The following PMFBP1 variants were observed in gnomAD, a reference collection of about 807,000 sequenced individuals.
The protein encoded by PMFBP1 is polyamine-modulated factor 1-binding protein 1.
A neutral mutation model predicts 137.8 loss-of-function variants in PMFBP1; 131 were observed. That is an observed-to-expected ratio of 0.95 (90% CI 0.82 to 1.10). PMFBP1 has a LOEUF of 1.10. Ranked by LOEUF, PMFBP1 falls within the 50% of genes least tolerant of loss-of-function variation. PMFBP1 has a pLI of 0.00. For missense variants in PMFBP1, 1,199 were observed against 1,175.4 expected (o/e 1.02, Z -0.29); for synonymous variants, 490 against 450.4 (o/e 1.09, Z -1.11).
At chr16:72,225,934 G>GACACACACACAC in the PMFBP1 span, among the ~76,000 whole-genome samples, 531 of 140,758 alleles carry the variant, frequency 3.8e-3, 5 homozygotes, top group African/African-American at 0.013. Flanking sequence ...CACACTCACA[G>GACACACACACAC]ACACACACAC....
At chr16:72,215,368 G>GA in the PMFBP1 span, among the ~76,000 whole-genome samples, 189 of 126,016 alleles carry the variant, frequency 1.5e-3, no homozygotes, top group Middle Eastern at 4.2e-3. Context: ...GAGAGAGAGA[G>GA]AAAAAAAAAA....
Position 72,123,721 on chromosome 16 carries a change from G to T in PMFBP1, c.2590-72C>A, listed in dbSNP as rs930019405. On this transcript the variant is annotated intron_variant, in intron 17 of 20. Coordinates refer to ENST00000237353, the MANE Select transcript of PMFBP1 (RefSeq NM_031293.3). The stretch of plus-strand genomic sequence containing the variant: ...CCTGTCAGCCCTCCTTCCGAGTCAG[G>T]CCTCTTCTATCTCCCTGGGAAAAGA... 16 of 1,360,888 alleles carry T rather than the reference G, an allele frequency of 1.2e-5. No individual in the cohort carries two copies. The African/African-American group carries it at 1.3e-4, about 11-fold the overall frequency. 84.3% of individuals were successfully genotyped at this position (1,360,888 alleles called of 1,614,324 possible).
chr16:72,205,303 G>A, the PMFBP1 span, among the ~76,000 whole-genome samples: 6 of 152,248 alleles, frequency 3.9e-5, no homozygotes, highest in Non-Finnish European at 7.3e-5. Context: ...GAGGCAGCAC[G>A]TCGCTAGAAG....
chr16:72,140,542 T>C lies in PMFBP1; in HGVS notation c.677A>G (p.Tyr226Cys). The C allele has an allele frequency of 6.2e-7, 1 of 1,613,858 alleles. No homozygotes were observed. Among genetic ancestry groups the C allele is most frequent in the Non-Finnish European group, 8.5e-7 (1 of 1,179,730 alleles). Residue 226 changes from tyrosine (Y) to cysteine (C), a missense_variant, in exon 6 of 21, where the codon TAC becomes TGC. Coordinates refer to ENST00000237353, the MANE Select transcript of PMFBP1 (RefSeq NM_031293.3). The part of the protein sequence containing the change: ...NKGDHSKVRI[Y>C]TSPCMIQEHQ... The stretch of plus-strand genomic sequence containing the variant: ...CTCTTGAATCATGCAAGGAGAAGTG[T>C]ATATCCGTACCTTTGAATGATCACC...
chr16:72,128,230 A>G lies in PMFBP1; in HGVS notation c.2088+427T>C, dbSNP rs1597461598. The G allele has an allele frequency of 1.0e-5, 5 of 488,034 alleles. No homozygotes were observed. The East Asian group carries it at 3.6e-4, about 36-fold the overall frequency. The allele number at this position is 488,034 out of a possible 1,614,324, so 30.2% of individuals were successfully genotyped here. On this transcript the variant is annotated intron_variant, in intron 14 of 20. Transcript: ENST00000237353. ...ACTGAATTCAAGCACAGTGCTTAGCATATGTCAGATGCTATTTACTCCTTT... is the reference window on the plus strand; with the variant it reads ...ACTGAATTCAAGCACAGTGCTTAGCGTATGTCAGATGCTATTTACTCCTTT...
intron 15 of PMFBP1, 63 bp from the exon 16 acceptor site, chr16:72,125,468 T>G: frequency 1.3e-6 from 2 of 1,543,338 alleles, no homozygotes; most frequent in Non-Finnish European, 1.7e-6. Context: ...TGCTGAGTCC[T>G]GAATGGAGGA....
At chr16:72,174,538 G>A (rs1402436592), upstream of PMFBP1, among the ~76,000 whole-genome samples, 1 of 152,134 alleles carries the variant, frequency 6.6e-6, no homozygotes, top group Non-Finnish European at 1.5e-5. Flanking sequence ...TGGTCAGTAG[G>A]CCACATGTAC....
chr16:72,239,885 C>CAAAAAAAAA, the PMFBP1 span, among the ~76,000 whole-genome samples: 11 of 21,358 alleles, frequency 5.2e-4, no homozygotes, highest in African/African-American at 1.9e-3. Context: ...ACTCCATGTA[C>CAAAAAAAAA]AAAAAAAAAA....
intron 2 of PMFBP1, among the ~76,000 whole-genome samples, chr16:72,167,151 C>A (rs1222134045): frequency 6.6e-6 from 1 of 152,188 alleles, no homozygotes; most frequent in Non-Finnish European, 1.5e-5. Flanking sequence ...GTTTAAAGGA[C>A]CCCTGCACAA....
the PMFBP1 span, among the ~76,000 whole-genome samples, chr16:72,186,708 G>A: frequency 9.7e-4 from 148 of 152,346 alleles, no homozygotes; most frequent in Admixed American, 3.9e-3. Flanking sequence ...AAAATAGCCA[G>A]TTGAGCAGAG....
At chr16:72,224,234 C>T in the PMFBP1 span, among the ~76,000 whole-genome samples, 16 of 152,228 alleles carry the variant, frequency 1.1e-4, no homozygotes, top group South Asian at 8.3e-4. Flanking sequence ...CCTCTATATC[C>T]ATCTCTCTTT....
intron 5 of PMFBP1, among the ~76,000 whole-genome samples, chr16:72,141,436 T>C (rs1016910932): frequency 4.6e-5 from 7 of 152,246 alleles, no homozygotes; most frequent in African/African-American, 1.7e-4. Context: ...TCTTTGACCG[T>C]CACTTCTAAT....
chr16:72,225,783 C>T, the PMFBP1 span, among the ~76,000 whole-genome samples: 9 of 150,762 alleles, frequency 6.0e-5, no homozygotes, highest in East Asian at 3.9e-4. Context: ...GCTCTTATTT[C>T]GACATAATCC....
At chr16:72,135,831 C>T (rs1323633611) in intron 9 of PMFBP1, among the ~76,000 whole-genome samples, 2 of 147,564 alleles carry the variant, frequency 1.4e-5, no homozygotes, top group African/African-American at 5.1e-5. Flanking sequence ...CTGCAACCTC[C>T]ACCTCCTGGG....
At chr16:72,206,792 C>T in the PMFBP1 span, among the ~76,000 whole-genome samples, 1 of 152,164 alleles carries the variant, frequency 6.6e-6, no homozygotes, top group African/African-American at 2.4e-5. Context: ...GCAAAGGAGG[C>T]TAGGAAATGC....
At chr16:72,145,908 G>C (rs933042464) in intron 5 of PMFBP1, among the ~76,000 whole-genome samples, 1 of 152,112 alleles carries the variant, frequency 6.6e-6, no homozygotes, top group African/African-American at 2.4e-5. Flanking sequence ...AACCAAAAAA[G>C]TTCAGGACCA....
At chr16:72,181,237 CAAAAA>C (rs57619423), upstream of PMFBP1, among the ~76,000 whole-genome samples, 1 of 130,384 alleles carries the variant, frequency 7.7e-6, no homozygotes, top group South Asian at 2.4e-4. Flanking sequence ...GACTTCATCT[CAAAAA>C]AAAAAAAATA....
At chr16:72,129,030 T>A in intron 13 of PMFBP1, 36 bp downstream of exon 13, 1 of 1,606,096 alleles carries the variant, frequency 6.2e-7, no homozygotes, top group Non-Finnish European at 8.5e-7. Context: ...CCGCTCTGGA[T>A]TCCTGACCCA....
At chr16:72,178,773 C>T (rs1458572548), upstream of PMFBP1, among the ~76,000 whole-genome samples, 1 of 152,164 alleles carries the variant, frequency 6.6e-6, no homozygotes, top group East Asian at 1.9e-4. Context: ...TTTTCCCTGC[C>T]TCAGCCACTT....
Sources: allele counts gnomAD v4.1 joint callset (sites outside exome capture counted in the v4.1 genomes callset), GRCh38; gene constraint gnomAD v4.1.1; transcripts MANE v1.5; gene names NCBI Gene and HGNC (gene_info 2026-07-23, HGNC 2026-07-21).